Variants in PAG1 observed in about 807,000 individuals in gnomAD.
PAG1 encodes the protein phosphoprotein membrane anchor with glycosphingolipid microdomains 1, also known as phosphoprotein associated with glycosphingolipid-enriched microdomains 1.
In PAG1, 23 loss-of-function variants were observed where a neutral mutation model predicts 31.7. The observed-to-expected ratio is 0.73, with a 90% CI of 0.52 to 1.03. The LOEUF (loss-of-function observed/expected upper bound fraction) is 1.03, where lower values mean the gene tolerates loss of function less well. PAG1 is among the 50% of genes least tolerant of loss of function. The probability of loss-of-function intolerance (pLI) is 0.00; values close to 1 mark genes in which losing one functional copy is unlikely to be tolerated. For missense variants in PAG1, 473 were observed against 540.7 expected (o/e 0.87, Z 1.24); for synonymous variants, 214 against 210.3 (o/e 1.02, Z -0.15).
chr8:81,092,847 C>G (rs1191454785), intron 1 of PAG1, among the ~76,000 whole-genome samples: 1 of 152,164 alleles, frequency 6.6e-6, no homozygotes, highest in East Asian at 1.9e-4. Flanking sequence ...TGAGCTTTAA[C>G]AGGAGAAATT....
At chr8:81,006,580 G>C (rs547357444) in intron 3 of PAG1, among the ~76,000 whole-genome samples, 1 of 152,268 alleles carries the variant, frequency 6.6e-6, no homozygotes, top group East Asian at 1.9e-4. Flanking sequence ...GAAAGCCATG[G>C]AGCCAATGGG....
At chr8:81,003,497 A>T (rs1459981563) in intron 3 of PAG1, among the ~76,000 whole-genome samples, 6 of 152,116 alleles carry the variant, frequency 3.9e-5, no homozygotes, top group Non-Finnish European at 8.8e-5. Flanking sequence ...AAGGAACTTG[A>T]ATATAAGGCA....
At chr8:80,996,880 G>A (rs1296887082) in intron 3 of PAG1, among the ~76,000 whole-genome samples, 1 of 152,246 alleles carries the variant, frequency 6.6e-6, no homozygotes, top group Non-Finnish European at 1.5e-5. Context: ...GAGACAGTAA[G>A]CGGATAGGAG....
intron 1 of PAG1, among the ~76,000 whole-genome samples, chr8:81,088,916 G>C (rs992838676): frequency 2.0e-5 from 3 of 152,172 alleles, no homozygotes; most frequent in Admixed American, 2.0e-4. Context: ...AATAATAGCT[G>C]ATCTATTTGT....
chr8:81,023,814 A>G (rs1380954018), intron 3 of PAG1, among the ~76,000 whole-genome samples: 4 of 152,190 alleles, frequency 2.6e-5, no homozygotes, highest in African/African-American at 7.2e-5. Context: ...GAATAATGCA[A>G]TAAACACAGG....
chr8:81,077,029 T>A (rs1370157247), intron 1 of PAG1, among the ~76,000 whole-genome samples: 2 of 152,234 alleles, frequency 1.3e-5, no homozygotes, highest in Non-Finnish European at 2.9e-5. Flanking sequence ...GTCAGCTGAC[T>A]GCACGTTCAT....
rs543833404 is a variant in PAG1, at chr8:81,035,645, T to C, written c.-174-5556A>G. 2.0e-5 allele frequency among the ~76,000 whole-genome samples: 3 copies of C among 152,080 alleles called. No homozygotes were observed. In the East Asian group the frequency reaches 5.8e-4, roughly 29 times the overall value. On this transcript the variant is annotated intron_variant, in intron 2 of 8. Transcript: ENST00000220597. The stretch of plus-strand genomic sequence containing the variant: ...CGATGGCACATGCAAGAGGAACAAA[T>C]AGTGAGGGAACAAGGAAGGCAGGAG...
intron 1 of PAG1, among the ~76,000 whole-genome samples, chr8:81,105,801 A>T (rs866070016): frequency 6.6e-6 from 1 of 152,158 alleles, no homozygotes; most frequent in African/African-American, 2.4e-5. Flanking sequence ...TTATCTGATC[A>T]CCCTTCATTC....
chr8:81,014,835 T>A (rs1808045745), intron 3 of PAG1, among the ~76,000 whole-genome samples: 1 of 152,080 alleles, frequency 6.6e-6, no homozygotes, highest in Non-Finnish European at 1.5e-5. Context: ...GGACATTCAG[T>A]GTTTGGGAAT....
intron 1 of PAG1, among the ~76,000 whole-genome samples, chr8:81,110,795 A>G (rs1486627074): frequency 6.6e-6 from 1 of 152,220 alleles, no homozygotes; most frequent in African/African-American, 2.4e-5. Context: ...CAATTTGAAG[A>G]GTGCACTCTG....
At chr8:80,996,141 C>T (rs1230744753) in intron 3 of PAG1, among the ~76,000 whole-genome samples, 1 of 152,248 alleles carries the variant, frequency 6.6e-6, no homozygotes, top group Non-Finnish European at 1.5e-5. Flanking sequence ...GGGCAGCTTT[C>T]TCCTCTTGGA....
intron 1 of PAG1, among the ~76,000 whole-genome samples, chr8:81,097,204 A>C (rs1405343833): frequency 6.6e-6 from 1 of 152,224 alleles, no homozygotes; most frequent in Non-Finnish European, 1.5e-5. Flanking sequence ...CCTGGAAATA[A>C]GTTATAGTAA....
At chr8:80,982,673 G>A (rs62515152) in intron 7 of PAG1, among the ~76,000 whole-genome samples, 60,949 of 151,956 alleles carry the variant, frequency 0.4, 13,088 homozygotes, top group African/African-American at 0.53. Context: ...CAAGTTGAAC[G>A]TACCCAACAC....
chr8:81,089,850 C>T (rs1308515265), intron 1 of PAG1, among the ~76,000 whole-genome samples: 3 of 152,010 alleles, frequency 2.0e-5, no homozygotes, highest in South Asian at 2.1e-4. Context: ...TCCCAGCATG[C>T]TCATTTAAAA....
rs187599600 is a variant in PAG1 at position 81,041,690 on chromosome 8, T to C, written c.-174-11601A>G. ...ATTTAGTAATAATTTCTCCATTTTC[T>C]CCCCTTCAGATGGAGAACCTCAGGA... On this transcript the variant is annotated intron_variant, in intron 2 of 8. Transcript: ENST00000220597. Among the ~76,000 whole-genome samples, 1,224 of 152,244 alleles carry C rather than the reference T, an allele frequency of 8.0e-3. 8 individuals carry two copies. The highest frequency in any genetic ancestry group is 0.013 in the South Asian group (65 of 4,826).
At chr8:81,037,736 C>T (rs917982659) in intron 2 of PAG1, among the ~76,000 whole-genome samples, 3 of 152,162 alleles carry the variant, frequency 2.0e-5, no homozygotes, top group African/African-American at 7.2e-5. Context: ...TGTAAATAAG[C>T]ATGAGATAAT....
In PAG1 at chr8:81,062,092, CTT is replaced by C. The variant is rs1808928584; in HGVS notation, c.-175+8018_-175+8019del. ...AGTCAACAATTACAATCCAGCCACT[CTT>C]GACACTTCAGCTAACAACACCTCAG... is the stretch of plus-strand genomic sequence containing the variant. On this transcript the variant is annotated intron_variant, in intron 2 of 8. Coordinates refer to ENST00000220597, the MANE Select transcript of PAG1 (RefSeq NM_018440.4). Among the ~76,000 whole-genome samples, 16 of 152,346 alleles carry C rather than the reference CTT, an allele frequency of 1.1e-4. No individual in the cohort carries two copies. In the South Asian group the frequency reaches 3.3e-3, roughly 32 times the overall value.
rs1807156457 is a variant in PAG1, at chr8:80,975,258, A to G, written c.*1286T>C. ...CTAGGTAATTTGAATCAGGAGCTCC[A>G]AGTACCATTTAAAAAGGTGAGTCTT... On this transcript the variant is annotated 3_prime_UTR_variant, in exon 9 of 9. Coordinates refer to ENST00000220597, the MANE Select transcript of PAG1 (RefSeq NM_018440.4). The G allele has an allele frequency of 6.6e-6, 1 of 152,234 alleles. No individual in the cohort carries two copies. Among genetic ancestry groups the G allele is most frequent in the Non-Finnish European group, 1.5e-5 (1 of 68,040 alleles). 9.4% of individuals were successfully genotyped at this position (152,234 alleles called of 1,614,324 possible). A position where few individuals can be genotyped will look rare whatever the true frequency, so the allele number is the denominator to read the frequency against.
intron 2 of PAG1, among the ~76,000 whole-genome samples, chr8:81,031,765 A>G (rs1199547196): frequency 6.6e-6 from 1 of 152,246 alleles, no homozygotes; most frequent in Admixed American, 6.5e-5. Flanking sequence ...AATGGTGCAC[A>G]GTTTTGAATT....
Sources: gnomAD v4.1 joint callset for allele counts (sites outside exome capture counted in the v4.1 genomes callset) on GRCh38, gnomAD v4.1.1 for gene constraint, MANE v1.5 for transcripts, NCBI Gene and HGNC (gene_info 2026-07-23, HGNC 2026-07-21) for gene names.